Variants in DUSP8 observed in about 807,000 individuals in gnomAD.
The protein encoded by DUSP8 is dual specificity protein phosphatase 8.
A neutral mutation model predicts 38.7 loss-of-function variants in DUSP8; 15 were observed. The ratio of observed to expected loss-of-function variants is 0.39; its 90% CI spans 0.26 to 0.60. DUSP8 has a LOEUF of 0.60. Ranked by LOEUF, DUSP8 falls within the 20% of genes least tolerant of loss-of-function variation. DUSP8 has a pLI of 0.56. For missense variants in DUSP8, 768 were observed against 915.0 expected (o/e 0.84, Z 2.07); for synonymous variants, 458 against 433.9 (o/e 1.06, Z -0.69).
At chr11:1,566,978 C>T (rs553829975) in intron 1 of DUSP8, among the ~76,000 whole-genome samples, 1 of 152,280 alleles carries the variant, frequency 6.6e-6, no homozygotes, top group African/African-American at 2.4e-5. Context: ...CCTCTGGGTC[C>T]ACTTTACACT....
Position 1,558,744 on chromosome 11 carries a change from G to C in DUSP8, c.537+145C>G. On this transcript the variant is annotated intron_variant, in intron 4 of 6. Coordinates refer to ENST00000397374, the MANE Select transcript of DUSP8 (RefSeq NM_004420.3). The surrounding 1 kb of genome is among the most constrained non-coding windows in gnomAD (Gnocchi z 6.3). ...GGTGGGGAGCCTGGGGTCCTCCTGGGCCCCCACCCATGCTTCTCCCACACC... is the reference window on the plus strand; with the variant it reads ...GGTGGGGAGCCTGGGGTCCTCCTGGCCCCCCACCCATGCTTCTCCCACACC... 4.9e-6 allele frequency: 5 copies of C among 1,012,394 alleles called. No homozygotes were observed. The highest frequency in any genetic ancestry group is 3.6e-5 in the South Asian group (2 of 55,992). The allele number at this position is 1,012,394 out of a possible 1,614,324, so 62.7% of individuals were successfully genotyped here.
Position 1,558,437 on chromosome 11 carries a change from C to T in DUSP8, c.538-166G>A, listed in dbSNP as rs1352568417. 6.6e-6 allele frequency among the ~76,000 whole-genome samples: 1 copy of T among 151,740 alleles called. No individual in the cohort carries two copies. The highest frequency in any genetic ancestry group is 1.5e-5 in the Non-Finnish European group (1 of 67,956). ...CCAGGGGAGGGCCCAGGAGGCCTCT[C>T]TGGTCCACCCTGGCACCCTGGGCCC... On this transcript the variant is annotated intron_variant, in intron 4 of 6. Coordinates refer to ENST00000397374, the MANE Select transcript of DUSP8 (RefSeq NM_004420.3). The surrounding 1 kb of genome is among the most constrained non-coding windows in gnomAD (Gnocchi z 6.3).
At chr11:1,562,780 C>T (rs1238532510) in intron 3 of DUSP8, among the ~76,000 whole-genome samples, 5 of 152,188 alleles carry the variant, frequency 3.3e-5, no homozygotes, top group African/African-American at 9.7e-5. Flanking sequence ...CATGCACAGA[C>T]GCACAGACAC....
intron 1 of DUSP8, among the ~76,000 whole-genome samples, chr11:1,567,228 G>A (rs1476099056): frequency 6.6e-6 from 1 of 152,142 alleles, no homozygotes; most frequent in African/African-American, 2.4e-5. Flanking sequence ...TGGGCCCTGC[G>A]CCCTGTGCAA....
Position 1,567,133 on chromosome 11 carries a change from C to T in DUSP8, c.-108-1199G>A, listed in dbSNP as rs543644596. 2.0e-5 allele frequency among the ~76,000 whole-genome samples: 3 copies of T among 152,290 alleles called. No individual in the cohort carries two copies. The East Asian group carries it at 5.8e-4, about 29-fold the overall frequency. On this transcript the variant is annotated intron_variant, in intron 1 of 6. Transcript: ENST00000397374. ...TGGGTGTCCCTGCAATGCCATCTTCCCTGTGCCCCCACAGCTGCCAGGCAG... is the reference window on the plus strand; with the variant it reads ...TGGGTGTCCCTGCAATGCCATCTTCTCTGTGCCCCCACAGCTGCCAGGCAG...
rs1228653659 is a variant in DUSP8 at position 1,555,230 on chromosome 11, G to C, written c.*1288C>G. ...AAAAGCCACTTGTGTTTGGGGGCTG[G>C]CATGCCACCTAGAGAGAGAGCACCC... On this transcript the variant is annotated 3_prime_UTR_variant, in exon 7 of 7. Transcript: ENST00000397374. The C allele has an allele frequency of 1.0e-6, 1 of 987,764 alleles. No homozygotes were observed. The highest frequency in any genetic ancestry group is 1.2e-6 in the Non-Finnish European group (1 of 830,164). The allele number at this position is 987,764 out of a possible 1,614,324, so 61.2% of individuals were successfully genotyped here.
chr11:1,555,573 C>T lies in DUSP8; in HGVS notation c.*945G>A. Reference sequence around the variant, plus strand: ...TCCAGGGCTTCCTGCCCAGTGGAGCCAGCACTGGCTAGCCAGGCGCCTCCT... The same window carrying T: ...TCCAGGGCTTCCTGCCCAGTGGAGCTAGCACTGGCTAGCCAGGCGCCTCCT... On this transcript the variant is annotated 3_prime_UTR_variant, in exon 7 of 7. Coordinates refer to ENST00000397374, the MANE Select transcript of DUSP8 (RefSeq NM_004420.3). 1.4e-6 allele frequency: 1 copy of T among 702,066 alleles called. No individual in the cohort carries two copies. Among genetic ancestry groups the T allele is most frequent in the Non-Finnish European group, 1.8e-6 (1 of 570,854 alleles). 43.5% of individuals were successfully genotyped at this position (702,066 alleles called of 1,614,324 possible).
intron 2 of DUSP8, among the ~76,000 whole-genome samples, chr11:1,565,165 C>G (rs1301034230): frequency 1.3e-5 from 2 of 152,224 alleles, no homozygotes; most frequent in Non-Finnish European, 2.9e-5. Flanking sequence ...CCTGTCCTCA[C>G]AGCAGTGGAA....
At chr11:1,563,777 G>A in intron 3 of DUSP8, 74 bp downstream of exon 3, 1 of 1,405,270 alleles carries the variant, frequency 7.1e-7, no homozygotes, top group Non-Finnish European at 9.4e-7. Context: ...ACACCTCCCT[G>A]ATGCCCCAGC....
At position 1,555,573 on chromosome 11, in the gene DUSP8, CAG is replaced by C; in HGVS notation, c.*943_*944del. 1 of 702,060 alleles carries C rather than the reference CAG, an allele frequency of 1.4e-6. No homozygotes were observed. The highest frequency in any genetic ancestry group is 6.4e-5 in the South Asian group (1 of 15,704). 43.5% of individuals were successfully genotyped at this position (702,060 alleles called of 1,614,324 possible). A position where few individuals can be genotyped will look rare whatever the true frequency, so the allele number is the denominator to read the frequency against. On this transcript the variant is annotated 3_prime_UTR_variant, in exon 7 of 7. Coordinates refer to ENST00000397374, the MANE Select transcript of DUSP8 (RefSeq NM_004420.3). ...TCCAGGGCTTCCTGCCCAGTGGAGC[CAG>C]CACTGGCTAGCCAGGCGCCTCCTGC...
chr11:1,563,152 G>A lies in DUSP8; in HGVS notation c.370+699C>T, dbSNP rs547263025. Among the ~76,000 whole-genome samples, 91 of 152,270 alleles carry A rather than the reference G, an allele frequency of 6.0e-4. 1 individual carries two copies. Among genetic ancestry groups the A allele is most frequent in the African/African-American group, 2.1e-3 (88 of 41,550 alleles). On this transcript the variant is annotated intron_variant, in intron 3 of 6. Transcript: ENST00000397374. ...GCAGAGGCCAGGCAGAAGGAGCCTG[G>A]ACAAAGACCCCAGACCTGGATGGGG...
In DUSP8 at chr11:1,557,235, A is replaced by G. The variant is rs368626733; in HGVS notation, c.1161T>C (p.Thr387=). The part of the protein sequence containing the change: ...LHLSSDRLQD[T]NRLKRSFSLD... ...GGGAGAAGGAGCGCTTGAGGCGGTT[A>G]GTGTCCTGCAGGCGGTCCGAGGAGA... Residue 387 remains threonine (T), a synonymous_variant, in exon 7 of 7, where the codon ACT becomes ACC. Coordinates refer to ENST00000397374, the MANE Select transcript of DUSP8 (RefSeq NM_004420.3). The surrounding 1 kb of genome is among the most constrained non-coding windows in gnomAD (Gnocchi z 9.9). 16 of 1,493,952 alleles carry G rather than the reference A, an allele frequency of 1.1e-5. No homozygotes were observed. The highest frequency in any genetic ancestry group is 1.2e-5 in the Non-Finnish European group (14 of 1,124,204). 92.5% of individuals were successfully genotyped at this position (1,493,952 alleles called of 1,614,324 possible).
rs980984865 is a variant in DUSP8, at chr11:1,572,265, C to A, written c.-473G>T. Among the ~76,000 whole-genome samples, 29 of 148,568 alleles carry A rather than the reference C, an allele frequency of 2.0e-4. No individual in the cohort carries two copies. The highest frequency in any genetic ancestry group is 3.4e-3 in the Middle Eastern group (1 of 290). The stretch of plus-strand genomic sequence containing the variant: ...AGCCGGCTCGGCCGCCGCGCTCGGC[C>A]GCGAGTGACAGGCCCGGGGCGGAGG... On this transcript the variant is annotated 5_prime_UTR_variant, in exon 1 of 7. Transcript: ENST00000397374. The surrounding 1 kb of genome is among the most constrained non-coding windows in gnomAD (Gnocchi z 4.7).
At position 1,554,896 on chromosome 11, in the gene DUSP8, G is replaced by C; in HGVS notation, c.*1622C>G. ...TCTTGGGGGAACAGGAGTGGGTGGG[G>C]ACAGAGGGAACGGGAACAGGACTTT... On this transcript the variant is annotated 3_prime_UTR_variant, in exon 7 of 7. Transcript: ENST00000397374. The C allele has an allele frequency of 1.0e-6, 1 of 974,080 alleles. No homozygotes were observed. The highest frequency in any genetic ancestry group is 1.2e-6 in the Non-Finnish European group (1 of 819,344). 60.3% of individuals were successfully genotyped at this position (974,080 alleles called of 1,614,324 possible). A position where few individuals can be genotyped will look rare whatever the true frequency, so the allele number is the denominator to read the frequency against.
intron 1 of DUSP8, among the ~76,000 whole-genome samples, chr11:1,569,834 C>T (rs528980611): frequency 9.8e-5 from 15 of 152,320 alleles, no homozygotes; most frequent in African/African-American, 3.4e-4. Flanking sequence ...GCTCTTGGAG[C>T]TGTCCGGCTC....
chr11:1,570,059 G>A (rs961960039), intron 1 of DUSP8, among the ~76,000 whole-genome samples: 2 of 152,178 alleles, frequency 1.3e-5, no homozygotes, highest in Admixed American at 6.5e-5. Flanking sequence ...ACTCTGCTCC[G>A]CTGGCCTGGG....
At chr11:1,562,414 C>T (rs940620791) in intron 3 of DUSP8, among the ~76,000 whole-genome samples, 3 of 152,140 alleles carry the variant, frequency 2.0e-5, no homozygotes, top group East Asian at 3.9e-4. Context: ...ACTCTCTCCC[C>T]GCCCCCCACC....
Position 1,554,969 on chromosome 11 carries a change from G to C in DUSP8, c.*1549C>G, listed in dbSNP as rs1590797612. 7.1e-6 allele frequency: 7 copies of C among 986,078 alleles called. No individual in the cohort carries two copies. Among genetic ancestry groups the C allele is most frequent in the South Asian group, 9.4e-5 (2 of 21,312 alleles). The allele number at this position is 986,078 out of a possible 1,614,324, so 61.1% of individuals were successfully genotyped here. ...AACACAGAGCTGTGGGTGAAAAGAA[G>C]AACAAATAGAAGAAACAGCAGAGAG... On this transcript the variant is annotated 3_prime_UTR_variant, in exon 7 of 7. Transcript: ENST00000397374.
At chr11:1,563,693 T>C (rs1182758606) in intron 3 of DUSP8, among the ~76,000 whole-genome samples, 158 bp downstream of exon 3, 1 of 152,090 alleles carries the variant, frequency 6.6e-6, no homozygotes, top group African/African-American at 2.4e-5. Context: ...GGTCCTGAAG[T>C]GTGGGCGTCC....
Sources: gnomAD v4.1 joint callset for allele counts (sites outside exome capture counted in the v4.1 genomes callset) on GRCh38, gnomAD v4.1.1 for gene constraint, Gnocchi (gnomAD v3.1) non-coding constraint, MANE v1.5 for transcripts, NCBI Gene and HGNC (gene_info 2026-07-23, HGNC 2026-07-21) for gene names.